ARMC12: variants seen among roughly 807,000 people sequenced by gnomAD.
ARMC12 encodes armadillo repeat containing 12, also known as armadillo repeat-containing protein 12.
ARMC12 carries 25 observed loss-of-function variants against 37.4 expected under a neutral mutation model. The observed-to-expected ratio is 0.67, with a 90% CI of 0.49 to 0.93. The LOEUF (loss-of-function observed/expected upper bound fraction) is 0.93, where lower values mean the gene tolerates loss of function less well. Among genes scored for constraint, ARMC12 ranks in the 40% least tolerant of loss-of-function variants. The probability of loss-of-function intolerance (pLI) is 0.00; values close to 1 mark genes in which losing one functional copy is unlikely to be tolerated. For synonymous variants in ARMC12, 167 were observed against 176.1 expected (o/e 0.95, Z 0.41); for missense variants, 384 against 426.6 (o/e 0.90, Z 0.88).
intron 2 of ARMC12, 90 bp from the exon 3 acceptor site, chr6:35,738,294 G>GGA: frequency 9.8e-6 from 14 of 1,429,926 alleles, no homozygotes; most frequent in Admixed American, 3.9e-5. Context: ...GGTGGGGGGG[G>GGA]GGTGTGCGGA....
intron 3 of ARMC12, among the ~76,000 whole-genome samples, chr6:35,744,960 A>C (rs566900240): frequency 6.6e-6 from 1 of 152,374 alleles, no homozygotes; most frequent in East Asian, 1.9e-4. Context: ...AATCAAAATT[A>C]GTGACGATAC....
chr6:35,739,926 C>T (rs572489285), intron 3 of ARMC12, among the ~76,000 whole-genome samples: 4 of 152,284 alleles, frequency 2.6e-5, no homozygotes, highest in Admixed American at 2.0e-4. Context: ...ACTGAAAATC[C>T]CAACCTTCTA....
At chr6:35,731,860 C>A in the ARMC12 span, among the ~76,000 whole-genome samples, 1 of 152,136 alleles carries the variant, frequency 6.6e-6, no homozygotes, top group Admixed American at 6.5e-5. Flanking sequence ...TCCTAGGGGG[C>A]GGGCGGGAAG....
intron 3 of ARMC12, 144 bp from the exon 4 acceptor site, chr6:35,747,117 G>A (rs1767363078): frequency 4.7e-6 from 4 of 854,522 alleles, no homozygotes; most frequent in Non-Finnish European, 5.0e-6. Flanking sequence ...GGGCAACTGG[G>A]TCAAATTATG....
At chr6:35,738,296 G>GGGGGC in intron 2 of ARMC12, 88 bp from the exon 3 acceptor site, 1 of 1,394,724 alleles carries the variant, frequency 7.2e-7, no homozygotes. Flanking sequence ...TGGGGGGGGG[G>GGGGGC]TGTGCGGAGG....
At chr6:35,738,582 C>T in intron 3 of ARMC12, 64 bp downstream of exon 3, 1 of 1,575,240 alleles carries the variant, frequency 6.3e-7, no homozygotes, top group Non-Finnish European at 8.6e-7. Flanking sequence ...CTTTAATTGC[C>T]ATAGGATAAA....
rs1225831684 is a variant in ARMC12 at position 35,748,708 on chromosome 6, G to T, written c.861G>T (p.Glu287Asp). Residue 287 changes from glutamate (E) to aspartate (D), a missense_variant, in exon 6 of 6, where the codon GAG becomes GAT. Coordinates refer to ENST00000373866, the MANE Select transcript of ARMC12 (RefSeq NM_001286574.2). ...TGCATGAATCCCTCTTTGGGGAAGA[G>T]TCCCGACTGGCAGACCGACTACTTG... ...QSLHESLFGE[E>D]SRLADRLLAL... is the part of the protein sequence containing the mutation. 6.2e-7 allele frequency: 1 copy of T among 1,614,192 alleles called. No individual in the cohort carries two copies. Among genetic ancestry groups the T allele is most frequent in the Admixed American group, 1.7e-5 (1 of 60,020 alleles).
chr6:35,744,463 A>C (rs1269803526), intron 3 of ARMC12, among the ~76,000 whole-genome samples: 1 of 152,212 alleles, frequency 6.6e-6, no homozygotes, highest in African/African-American at 2.4e-5. Flanking sequence ...TGAAAATCAC[A>C]TATCTGATAA....
At chr6:35,743,170 G>A (rs1334711583) in intron 3 of ARMC12, among the ~76,000 whole-genome samples, 4 of 151,796 alleles carry the variant, frequency 2.6e-5, no homozygotes, top group South Asian at 2.1e-4. Context: ...GGTGCAGCTC[G>A]TGAGGTTACC....
chr6:35,745,833 G>A (rs1159179360), intron 3 of ARMC12, among the ~76,000 whole-genome samples: 1 of 152,120 alleles, frequency 6.6e-6, no homozygotes, highest in African/African-American at 2.4e-5. Context: ...ATTACCTAAG[G>A]TCAGGAGTTC....
upstream of ARMC12, among the ~76,000 whole-genome samples, chr6:35,732,422 C>T (rs940440034): frequency 6.6e-6 from 1 of 152,204 alleles, no homozygotes; most frequent in African/African-American, 2.4e-5. Context: ...TTCATAGACT[C>T]GCATTCTAGA....
rs1232281711 is a variant in ARMC12 at position 35,738,452 on chromosome 6, C to A, written c.378C>A (p.Val126=). Reference sequence around the variant, plus strand: ...TGCTGGATGACAAGGACAACAGTGTCAAAACCCAAGCTCTGAATACACTTA... The same window carrying A: ...TGCTGGATGACAAGGACAACAGTGTAAAAACCCAAGCTCTGAATACACTTA... ...GYMLDDKDNS[V]KTQALNTLKA... is the part of the protein sequence containing the mutation. Residue 126 remains valine (V), a synonymous_variant, in exon 3 of 6, where the codon GTC becomes GTA. Transcript: ENST00000373866. 1 of 1,613,944 alleles carries A rather than the reference C, an allele frequency of 6.2e-7. No individual in the cohort carries two copies. Among genetic ancestry groups the A allele is most frequent in the Non-Finnish European group, 8.5e-7 (1 of 1,179,996 alleles).
intron 3 of ARMC12, among the ~76,000 whole-genome samples, chr6:35,740,492 C>G (rs2151039319): frequency 6.6e-6 from 1 of 152,270 alleles, no homozygotes; most frequent in South Asian, 2.1e-4. Context: ...CACATCTCTT[C>G]CTGGCAAATA....
chr6:35,745,805 G>A (rs1767318996), intron 3 of ARMC12, among the ~76,000 whole-genome samples: 1 of 152,156 alleles, frequency 6.6e-6, no homozygotes, highest in African/African-American at 2.4e-5. Context: ...CAGCACTTTG[G>A]GAGGCCGAAG....
At position 35,743,954 on chromosome 6, in the gene ARMC12, A is replaced by G. The variant is rs182367179; in HGVS notation, c.445-3307A>G. Among the ~76,000 whole-genome samples the G allele has an allele frequency of 1.1e-3, 163 of 152,004 alleles. 5 individuals are homozygous for G. The East Asian group carries it at 0.028, about 26-fold the overall frequency. ...GAGTGAGACTCCATCTCAAAAAAAA[A>G]AAAAGAAAAAAGAAAAAGAAAATCT... On this transcript the variant is annotated intron_variant, in intron 3 of 5. Transcript: ENST00000373866.
upstream of ARMC12, among the ~76,000 whole-genome samples, chr6:35,732,327 C>G (rs1766854056): frequency 1.3e-5 from 2 of 152,162 alleles, no homozygotes; most frequent in Admixed American, 6.5e-5. Flanking sequence ...AAGGGAAGCT[C>G]GCACGTGTTG....
intron 2 of ARMC12, 86 bp from the exon 3 acceptor site, chr6:35,738,298 G>A: frequency 7.1e-7 from 1 of 1,404,344 alleles, no homozygotes; most frequent in Non-Finnish European, 9.6e-7. Context: ...GGGGGGGGGT[G>A]TGCGGAGGGA....
chr6:35,747,265 A>C lies in ARMC12; in HGVS notation c.449A>C (p.His150Pro). Reference protein sequence around the residue: ...IRKFRLKIQEHSIKVLELIST... With the variant: ...IRKFRLKIQEPSIKVLELIST... ...TTTTGTTCTCCCCCACTCCAGGAAC[A>C]CTCCATCAAAGTACTCGAACTGATC... Residue 150 changes from histidine to proline, a missense_variant, in exon 4 of 6, where the codon CAC becomes CCC. Transcript: ENST00000373866. The C allele has an allele frequency of 6.2e-7, 1 of 1,611,350 alleles. No individual in the cohort carries two copies. The highest frequency in any genetic ancestry group is 8.5e-7 in the Non-Finnish European group (1 of 1,179,366).
In ARMC12 at chr6:35,738,101, A is replaced by C; in HGVS notation, c.238A>C (p.Lys80Gln). 1 of 1,614,040 alleles carries C rather than the reference A, an allele frequency of 6.2e-7. No homozygotes were observed. Among genetic ancestry groups the C allele is most frequent in the Non-Finnish European group, 8.5e-7 (1 of 1,179,992 alleles). The change falls in exon 2 of 6, where the codon AAA becomes CAA. Residue 80 changes from lysine (K) to glutamine (Q), a missense_variant. Lys to Gln is a moderately conservative substitution (Grantham distance 53, BLOSUM62 1). Coordinates refer to ENST00000373866, the MANE Select transcript of ARMC12 (RefSeq NM_001286574.2). ...GAGGCTCCTCAACTCTTTGGAGTGC[A>C]AACAGGATGAGTATGCCAAGAGCAT... is the stretch of plus-strand genomic sequence containing the variant. Reference protein sequence around the residue: ...LRRLLNSLECKQDEYAKSMIL... With the variant: ...LRRLLNSLECQQDEYAKSMIL...
Sources: allele counts gnomAD v4.1 joint callset (sites outside exome capture counted in the v4.1 genomes callset), GRCh38; gene constraint gnomAD v4.1.1; transcripts MANE v1.5; gene names NCBI Gene and HGNC (gene_info 2026-07-23, HGNC 2026-07-21).